KAZN: variants seen among roughly 807,000 people sequenced by gnomAD.
The protein encoded by KAZN is kazrin, periplakin interacting protein.
A neutral mutation model predicts 87.4 loss-of-function variants in KAZN; 40 were observed. The ratio of observed to expected loss-of-function variants is 0.46; its 90% confidence interval spans 0.36 to 0.60. The LOEUF (loss-of-function observed/expected upper bound fraction) is 0.60. Among genes scored for constraint, KAZN ranks in the 20% least tolerant of loss-of-function variants. The pLI is 0.00. For missense variants in KAZN, 898 were observed against 1,073.9 expected, an observed-to-expected ratio of 0.84 and a Z score of 2.29; for synonymous variants, 466 against 458.3, an observed-to-expected ratio of 1.02 and a Z score of -0.22.
chr1:14,938,987 T>C (rs937015697), intron 1 of KAZN, among the ~76,000 whole-genome samples: 1 of 152,228 alleles, frequency 6.6e-6, no homozygotes, highest in African/African-American at 2.4e-5. Context: ...TGTTTTTGTT[T>C]TTTGAGATGG....
At chr1:14,371,746 A>T (rs1660500039) in intron 2 of KAZN, among the ~76,000 whole-genome samples, 1 of 152,238 alleles carries the variant, frequency 6.6e-6, no homozygotes, top group South Asian at 2.1e-4. Context: ...AGAACCAAAC[A>T]TTCTAGAGAC....
At chr1:14,090,847 C>G (rs1192308771) in intron 1 of KAZN, among the ~76,000 whole-genome samples, 1 of 152,134 alleles carries the variant, frequency 6.6e-6, no homozygotes, top group Non-Finnish European at 1.5e-5. Context: ...GGTGCGGTGG[C>G]TCAGGCCTGT....
intron 2 of KAZN, among the ~76,000 whole-genome samples, chr1:14,314,976 G>C (rs999719739): frequency 3.9e-5 from 6 of 152,030 alleles, no homozygotes; most frequent in Admixed American, 2.0e-4. Flanking sequence ...ATATTTTCAA[G>C]GTTCATCAAT....
intron 8 of KAZN, among the ~76,000 whole-genome samples, chr1:15,092,303 G>A (rs1207344450): frequency 2.0e-5 from 3 of 151,816 alleles, no homozygotes; most frequent in Non-Finnish European, 4.4e-5. Context: ...TTGAACTCCC[G>A]GCCTCAGGTG....
intron 2 of KAZN, among the ~76,000 whole-genome samples, chr1:14,994,516 C>G (rs1017935704): frequency 6.6e-6 from 1 of 152,258 alleles, no homozygotes; most frequent in Admixed American, 6.5e-5. Flanking sequence ...TTGAGCATTT[C>G]TCAGTGACTC....
intron 1 of KAZN, among the ~76,000 whole-genome samples, chr1:14,055,412 G>A (rs376346949): frequency 2.6e-5 from 4 of 152,208 alleles, no homozygotes; most frequent in East Asian, 3.8e-4. Context: ...TGATATATGT[G>A]TTGGGAAGCC....
At position 14,487,708 on chromosome 1, in the gene KAZN, C is replaced by T. The variant is rs1261186997; in HGVS notation, c.250-111275C>T. On this transcript the variant is annotated intron_variant, in intron 2 of 16. Transcript: ENST00000636203. ...CCTTTCGGAGGCTAGAGTGGTTGTC[C>T]AGGAGAGAGGATGGTGGCTGCAACT... Among the ~76,000 whole-genome samples, 8 of 152,134 alleles carry T rather than the reference C, an allele frequency of 5.3e-5. No individual in the cohort carries two copies. The East Asian group carries it at 1.5e-3, about 29-fold the overall frequency.
At chr1:14,686,185 C>A (rs1640940407) in intron 1 of KAZN, among the ~76,000 whole-genome samples, 1 of 152,222 alleles carries the variant, frequency 6.6e-6, no homozygotes. Flanking sequence ...TCTCCTGCCT[C>A]AGCCTCCCGA....
chr1:14,009,918 C>T (rs1001202381), intron 1 of KAZN, among the ~76,000 whole-genome samples: 8 of 152,074 alleles, frequency 5.3e-5, no homozygotes, highest in African/African-American at 1.9e-4. Context: ...CATGTGTACA[C>T]ACTGGGAAAC....
At chr1:15,036,657 T>G (rs1218409843) in intron 3 of KAZN, among the ~76,000 whole-genome samples, 1 of 152,006 alleles carries the variant, frequency 6.6e-6, no homozygotes, top group Non-Finnish European at 1.5e-5. Flanking sequence ...AGCATTGCCT[T>G]TGGCCACCAG....
chr1:14,245,040 T>A (rs1329684006), intron 2 of KAZN, among the ~76,000 whole-genome samples: 4 of 151,894 alleles, frequency 2.6e-5, no homozygotes, highest in Non-Finnish European at 4.4e-5. Flanking sequence ...GGCTCACTAC[T>A]GCCTCCACCT....
At chr1:14,586,887 C>T (rs1166894233) in intron 2 of KAZN, among the ~76,000 whole-genome samples, 1 of 152,058 alleles carries the variant, frequency 6.6e-6, no homozygotes, top group African/African-American at 2.4e-5. Context: ...TTTGAGGTTC[C>T]TTCCAGATAT....
intron 2 of KAZN, among the ~76,000 whole-genome samples, chr1:14,582,699 G>C (rs1048326998): frequency 6.6e-6 from 1 of 152,178 alleles, no homozygotes; most frequent in African/African-American, 2.4e-5. Flanking sequence ...AAAGAGATTT[G>C]AGACTCTTGT....
chr1:14,709,372 T>C (rs1642375155), intron 1 of KAZN, among the ~76,000 whole-genome samples: 1 of 152,206 alleles, frequency 6.6e-6, no homozygotes. Flanking sequence ...CTTTTGTGAG[T>C]TAGTGAAGCC....
chr1:14,778,179 C>T (rs1468559115), intron 1 of KAZN, among the ~76,000 whole-genome samples: 4 of 152,140 alleles, frequency 2.6e-5, no homozygotes, highest in South Asian at 4.1e-4. Flanking sequence ...TGAGTCTTAA[C>T]ATTTAAATGC....
At chr1:14,902,723 C>A (rs1352329833) in intron 1 of KAZN, among the ~76,000 whole-genome samples, 1 of 152,036 alleles carries the variant, frequency 6.6e-6, no homozygotes, top group Non-Finnish European at 1.5e-5. Context: ...GGCTGCCCAC[C>A]CAGAATAAAA....
intron 1 of KAZN, among the ~76,000 whole-genome samples, chr1:13,947,251 G>A (rs1381600165): frequency 6.6e-6 from 1 of 152,172 alleles, no homozygotes; most frequent in Admixed American, 6.5e-5. Context: ...TAATGAGCAA[G>A]AGCAGGGAAA....
chr1:14,731,274 C>T (rs980730792), intron 1 of KAZN, among the ~76,000 whole-genome samples: 3 of 152,142 alleles, frequency 2.0e-5, no homozygotes, highest in African/African-American at 4.8e-5. Flanking sequence ...TCGTGCAGCA[C>T]CCATTTTCCC....
intron 1 of KAZN, among the ~76,000 whole-genome samples, chr1:14,142,106 C>A (rs61776658): frequency 3.2e-4 from 42 of 130,200 alleles, no homozygotes; most frequent in Admixed American, 1.2e-3. Context: ...CTCCCTCCTT[C>A]CCTTTTTTTT....
Sources: allele counts gnomAD v4.1 joint callset (sites outside exome capture counted in the v4.1 genomes callset), GRCh38; gene constraint gnomAD v4.1.1; transcripts MANE v1.5; gene names NCBI Gene and HGNC (gene_info 2026-07-23, HGNC 2026-07-21).